AMBRA1: variants seen among roughly 807,000 people sequenced by gnomAD.
AMBRA1 encodes the protein activating molecule in BECN1-regulated autophagy protein 1.
AMBRA1 carries 47 observed loss-of-function variants against 125.4 expected under a neutral mutation model. The ratio of observed to expected loss-of-function variants is 0.37; its 90% confidence interval spans 0.30 to 0.48. AMBRA1 has a LOEUF of 0.48. Ranked by LOEUF, AMBRA1 falls within the 20% of genes least tolerant of loss-of-function variation. AMBRA1 has a pLI of 0.99. For missense variants in AMBRA1, 1,331 were observed against 1,693.4 expected, an observed-to-expected ratio of 0.79 and a Z score of 3.76; for synonymous variants, 626 against 655.5, an observed-to-expected ratio of 0.95 and a Z score of 0.69.
At position 46,397,650 on chromosome 11, in the gene AMBRA1, AGGAAGCTGTCCGG is replaced by A; in HGVS notation, c.3684_3696del (p.Arg1229GlyfsTer40). 1 of 1,612,936 alleles carries A rather than the reference AGGAAGCTGTCCGG, an allele frequency of 6.2e-7. No individual in the cohort carries two copies. Among genetic ancestry groups the A allele is most frequent in the African/African-American group, 1.3e-5 (1 of 75,024 alleles). ...CGCCCAGGGGTACCAGGCTGGTCCC[AGGAAGCTGTCCGG>A]GGGCTTAGGCCTCGCTCTGCCAGTT... On this transcript the variant is annotated frameshift_variant, in exon 18 of 18. Coordinates refer to ENST00000683756, the MANE Select transcript of AMBRA1 (RefSeq NM_001387011.1). LOFTEE classifies it high-confidence loss of function.
chr11:46,579,405 C>A (rs1390939922), intron 1 of AMBRA1, among the ~76,000 whole-genome samples: 1 of 151,830 alleles, frequency 6.6e-6, no homozygotes, highest in Non-Finnish European at 1.5e-5. Context: ...TGTGGTGAGC[C>A]GAGATCACGC....
At chr11:46,487,594 A>G (rs956713357) in intron 11 of AMBRA1, among the ~76,000 whole-genome samples, 12 of 152,128 alleles carry the variant, frequency 7.9e-5, no homozygotes, top group Non-Finnish European at 4.4e-5. Flanking sequence ...ACAGGGGAAC[A>G]ACAGATAGTG....
chr11:46,525,569 G>A (rs542040012), intron 7 of AMBRA1, among the ~76,000 whole-genome samples: 8 of 152,228 alleles, frequency 5.3e-5, no homozygotes, highest in South Asian at 4.2e-4. Flanking sequence ...TGACCAACAC[G>A]GTGAAACCCT....
At chr11:46,593,795 G>A (rs1348714149) in intron 1 of AMBRA1, 33 bp downstream of exon 1, 4 of 394,404 alleles carry the variant, frequency 1.0e-5, no homozygotes, top group Non-Finnish European at 1.8e-5. Context: ...GAAGGATGCC[G>A]GGCTGGGCCT....
chr11:46,523,969 A>G (rs1270842537), intron 7 of AMBRA1, among the ~76,000 whole-genome samples: 2 of 152,212 alleles, frequency 1.3e-5, no homozygotes, highest in Non-Finnish European at 2.9e-5. Context: ...CCTGGGTTCA[A>G]GCAATTCTCC....
At chr11:46,546,293 G>A (rs1009122996) in intron 4 of AMBRA1, among the ~76,000 whole-genome samples, 1 of 152,060 alleles carries the variant, frequency 6.6e-6, no homozygotes, top group African/African-American at 2.4e-5. Context: ...TCCTGTCTTG[G>A]TCTCCTGAAG....
intron 1 of AMBRA1, among the ~76,000 whole-genome samples, chr11:46,585,477 C>T (rs2044337936): frequency 1.3e-5 from 2 of 148,760 alleles, no homozygotes; most frequent in African/African-American, 5.0e-5. Flanking sequence ...ACCATCCTGG[C>T]TAACATGGTG....
rs529311306 is a variant in AMBRA1, at chr11:46,399,857, G to A, written c.3404-1914C>T. Among the ~76,000 whole-genome samples, 27 of 152,278 alleles carry A rather than the reference G, an allele frequency of 1.8e-4. No individual in the cohort carries two copies. The South Asian group carries it at 3.9e-3, about 22-fold the overall frequency. On this transcript the variant is annotated intron_variant, in intron 17 of 17. Transcript: ENST00000683756. ...TAGGGAGGGAGAGAAGGATCTGTCC[G>A]CCACTCCCTCTGCAGAAATGCCTGA...
chr11:46,521,671 C>T (rs994764887), intron 7 of AMBRA1, among the ~76,000 whole-genome samples: 2 of 152,284 alleles, frequency 1.3e-5, no homozygotes, highest in Non-Finnish European at 2.9e-5. Flanking sequence ...ATTTCACACA[C>T]TAGCAATTAT....
intron 7 of AMBRA1, among the ~76,000 whole-genome samples, chr11:46,526,972 T>G (rs992902655): frequency 1.3e-5 from 2 of 152,192 alleles, no homozygotes; most frequent in Non-Finnish European, 2.9e-5. Flanking sequence ...CAGATCATAA[T>G]AAAGCAAGTG....
At chr11:46,527,650 G>C (rs898725172) in intron 7 of AMBRA1, among the ~76,000 whole-genome samples, 1 of 152,000 alleles carries the variant, frequency 6.6e-6, no homozygotes. Flanking sequence ...AGACTTGCAT[G>C]CACATTTCTC....
intron 7 of AMBRA1, among the ~76,000 whole-genome samples, chr11:46,520,243 A>C (rs960745624): frequency 6.6e-6 from 1 of 152,182 alleles, no homozygotes; most frequent in Non-Finnish European, 1.5e-5. Context: ...AAACTGAAAA[A>C]ATTTTAATAC....
At chr11:46,454,666 G>C (rs1225623257) in intron 11 of AMBRA1, among the ~76,000 whole-genome samples, 1 of 151,754 alleles carries the variant, frequency 6.6e-6, no homozygotes, top group Non-Finnish European at 1.5e-5. Flanking sequence ...CAGGAGAATG[G>C]TGTGAGCCCG....
intron 7 of AMBRA1, among the ~76,000 whole-genome samples, chr11:46,517,473 T>TC (rs1290826436): frequency 2.3e-5 from 3 of 131,514 alleles, no homozygotes; most frequent in African/African-American, 9.4e-5. Flanking sequence ...TAATAAGGTT[T>TC]TTTTTTTTTT....
At chr11:46,419,909 CATGTTCATGTGCCTTGGGT>C (rs1386393215) in intron 14 of AMBRA1, among the ~76,000 whole-genome samples, 3 of 151,672 alleles carry the variant, frequency 2.0e-5, no homozygotes, top group Non-Finnish European at 4.4e-5. Context: ...TCTGAGAACA[CATGTTCATGTGCCTTGGGT>C]ACGTATCTGA....
chr11:46,520,488 TCTTC>T lies in AMBRA1; in HGVS notation c.2073-7679_2073-7676del, dbSNP rs1951707840. On this transcript the variant is annotated intron_variant, in intron 7 of 17. Coordinates refer to ENST00000683756, the MANE Select transcript of AMBRA1 (RefSeq NM_001387011.1). Reference sequence around the variant, plus strand: ...CAATTTCTTCTTTCTGGAAAGTTCCTCTTCCTTATTACTGTCTGTAAAAAGCCTT... The same window carrying T: ...CAATTTCTTCTTTCTGGAAAGTTCCTCTTATTACTGTCTGTAAAAAGCCTT... Among the ~76,000 whole-genome samples the T allele has an allele frequency of 2.0e-5, 3 of 152,050 alleles. No individual in the cohort carries two copies. The South Asian group carries it at 6.2e-4, about 32-fold the overall frequency.
chr11:46,557,998 A>C (rs1416716858), intron 1 of AMBRA1, among the ~76,000 whole-genome samples: 3 of 152,106 alleles, frequency 2.0e-5, no homozygotes, highest in African/African-American at 7.2e-5. Flanking sequence ...TACCATGTGG[A>C]GAGAGAGAAG....
intron 11 of AMBRA1, among the ~76,000 whole-genome samples, chr11:46,462,294 G>A (rs1192589054): frequency 6.6e-6 from 1 of 152,146 alleles, no homozygotes; most frequent in African/African-American, 2.4e-5. Flanking sequence ...AAACCTGCAA[G>A]CTTCTCTATA....
At chr11:46,579,046 A>T (rs866056039) in intron 1 of AMBRA1, among the ~76,000 whole-genome samples, 186 of 87,302 alleles carry the variant, frequency 2.1e-3, no homozygotes, top group Middle Eastern at 0.011. Flanking sequence ...AGAAAGCAAT[A>T]AAAAAAAAAA....
Sources: gnomAD v4.1 joint callset for allele counts (sites outside exome capture counted in the v4.1 genomes callset) on GRCh38, gnomAD v4.1.1 for gene constraint, MANE v1.5 for transcripts, NCBI Gene and HGNC (gene_info 2026-07-23, HGNC 2026-07-21) for gene names.